Variants in CNTN5 observed in about 807,000 individuals in gnomAD.
The protein encoded by CNTN5 is contactin-5.
Under a neutral mutation model 129.1 loss-of-function variants are expected in CNTN5, and 77 were observed. That is an observed-to-expected ratio of 0.60 (90% confidence interval 0.50 to 0.72). CNTN5 has a LOEUF of 0.72. Among genes scored for constraint, CNTN5 ranks in the 30% least tolerant of loss-of-function variants. The probability of loss-of-function intolerance (pLI) is 0.00; values close to 1 mark genes in which losing one functional copy is unlikely to be tolerated. For synonymous variants in CNTN5, 509 were observed against 465.6 expected, an observed-to-expected ratio of 1.09 and a Z score of -1.20; for missense variants, 1,478 against 1,328.8, an observed-to-expected ratio of 1.11 and a Z score of -1.75.
chr11:99,939,974 G>A (rs1950398677), intron 7 of CNTN5, among the ~76,000 whole-genome samples: 1 of 152,104 alleles, frequency 6.6e-6, no homozygotes, highest in African/African-American at 2.4e-5. Context: ...CAAATGGTTG[G>A]CAACCAGAAT....
At chr11:99,695,414 G>A (rs980784125) in intron 3 of CNTN5, among the ~76,000 whole-genome samples, 6 of 152,100 alleles carry the variant, frequency 3.9e-5, no homozygotes, top group African/African-American at 1.4e-4. Flanking sequence ...CCAGGGTGTT[G>A]CCTGCAAAAG....
At chr11:99,654,570 T>C (rs1201479879) in intron 3 of CNTN5, among the ~76,000 whole-genome samples, 1 of 152,124 alleles carries the variant, frequency 6.6e-6, no homozygotes, top group East Asian at 1.9e-4. Context: ...TTTTCTGATC[T>C]ACATCTACTG....
intron 6 of CNTN5, among the ~76,000 whole-genome samples, chr11:99,912,243 CA>C (rs1565669693): frequency 6.6e-6 from 1 of 151,828 alleles, no homozygotes; most frequent in Non-Finnish European, 1.5e-5. Context: ...TATGTGTGTT[CA>C]TGTATTAATA....
intron 2 of CNTN5, among the ~76,000 whole-genome samples, chr11:99,328,502 A>T (rs1421936560): frequency 6.6e-6 from 1 of 152,144 alleles, no homozygotes; most frequent in Non-Finnish European, 1.5e-5. Flanking sequence ...TTTTAACTAC[A>T]CATATAGTTT....
intron 2 of CNTN5, among the ~76,000 whole-genome samples, chr11:99,397,512 TCTATCTATCTAC>T (rs201108730): frequency 0.012 from 1,863 of 151,840 alleles, 20 homozygotes; most frequent in Non-Finnish European, 0.017. Context: ...CCATTTATTA[TCTATCTATCTAC>T]CTATCTATCT....
At position 99,361,499 on chromosome 11, in the gene CNTN5, C is replaced by A. The variant is rs182111041; in HGVS notation, c.-71+36015C>A. Among the ~76,000 whole-genome samples the A allele has an allele frequency of 6.6e-5, 10 of 152,212 alleles. 1 individual carries two copies. In the East Asian group the frequency reaches 1.9e-3, roughly 29 times the overall value. The stretch of plus-strand genomic sequence containing the variant: ...TATGTGTGTGGTAAAATATATTTAA[C>A]ATAAAATGTATCATTTTAGCCATTT... On this transcript the variant is annotated intron_variant, in intron 2 of 24. Transcript: ENST00000524871.
chr11:100,097,981 G>T (rs896364066), intron 13 of CNTN5, among the ~76,000 whole-genome samples: 3 of 151,576 alleles, frequency 2.0e-5, no homozygotes, highest in African/African-American at 7.3e-5. Flanking sequence ...TTTTTTTTAA[G>T]AAAAAATCCT....
intron 7 of CNTN5, among the ~76,000 whole-genome samples, chr11:99,927,613 C>G (rs1364154670): frequency 6.6e-6 from 1 of 152,000 alleles, no homozygotes; most frequent in East Asian, 1.9e-4. Flanking sequence ...CCTTACAAAA[C>G]CTTCAGATCT....
intron 9 of CNTN5, among the ~76,000 whole-genome samples, chr11:100,017,314 C>T (rs1202312772): frequency 6.6e-6 from 1 of 152,018 alleles, no homozygotes; most frequent in African/African-American, 2.4e-5. Context: ...CATTTAGCCA[C>T]ATTCTGTTGA....
At chr11:99,630,068 G>GA (rs1422245708) in intron 3 of CNTN5, among the ~76,000 whole-genome samples, 1 of 151,386 alleles carries the variant, frequency 6.6e-6, no homozygotes, top group Non-Finnish European at 1.5e-5. Context: ...ATGCTAGACT[G>GA]AAAAAAATCA....
At position 99,794,811 on chromosome 11, in the gene CNTN5, C is replaced by T. The variant is rs191692621; in HGVS notation, c.56-24733C>T. The stretch of plus-strand genomic sequence containing the variant: ...GGCCCACTGTTAGCCTGGTGGGACT[C>T]CCTTTGTAGATGACCTATCCTTTCT... On this transcript the variant is annotated intron_variant, in intron 3 of 24. Coordinates refer to ENST00000524871, the MANE Select transcript of CNTN5 (RefSeq NM_014361.4). 7.2e-3 allele frequency among the ~76,000 whole-genome samples: 1,097 copies of T among 152,066 alleles called. 5 individuals are homozygous for T. The highest frequency in any genetic ancestry group is 0.017 in the Middle Eastern group (5 of 294).
chr11:100,058,963 G>A (rs1181790632), intron 9 of CNTN5, among the ~76,000 whole-genome samples: 1 of 152,060 alleles, frequency 6.6e-6, no homozygotes, highest in East Asian at 1.9e-4. Context: ...AAACACAGAC[G>A]GATGTGTTTC....
intron 9 of CNTN5, among the ~76,000 whole-genome samples, chr11:100,057,692 C>T (rs1943292617): frequency 3.1e-5 from 1 of 32,698 alleles, no homozygotes; most frequent in African/African-American, 2.1e-4. Context: ...CCGAGGTCAC[C>T]ATAGCATCTT....
chr11:99,041,713 C>T (rs1274425573), intron 1 of CNTN5, among the ~76,000 whole-genome samples: 1 of 152,138 alleles, frequency 6.6e-6, no homozygotes, highest in African/African-American at 2.4e-5. Flanking sequence ...TAGTTCAACA[C>T]AGAAAGGTGT....
At chr11:99,533,786 T>C (rs1368043781) in intron 2 of CNTN5, among the ~76,000 whole-genome samples, 1 of 152,226 alleles carries the variant, frequency 6.6e-6, no homozygotes, top group East Asian at 1.9e-4. Flanking sequence ...GGAGGGAAAC[T>C]ATGGCCTCCT....
At chr11:99,274,513 T>C (rs1315028883) in intron 1 of CNTN5, among the ~76,000 whole-genome samples, 3 of 151,656 alleles carry the variant, frequency 2.0e-5, no homozygotes, top group Non-Finnish European at 4.4e-5. Context: ...TAGTGTTTGA[T>C]ATATAATTAG....
Position 99,125,362 on chromosome 11 carries a change from AT to A in CNTN5, c.-210+104095del, listed in dbSNP as rs1858574260. Among the ~76,000 whole-genome samples the A allele has an allele frequency of 1.2e-4, 19 of 152,104 alleles. 1 individual carries two copies. In the South Asian group the frequency reaches 3.7e-3, roughly 30 times the overall value. ...ACAGAACTAAAAAAAAAACCAGATT[AT>A]TTCAGTAGGTGCAAGAATGGCTTTT... On this transcript the variant is annotated intron_variant, in intron 1 of 24. Coordinates refer to ENST00000524871, the MANE Select transcript of CNTN5 (RefSeq NM_014361.4).
intron 1 of CNTN5, among the ~76,000 whole-genome samples, chr11:99,145,772 C>T (rs1053761999): frequency 3.9e-5 from 6 of 152,092 alleles, no homozygotes; most frequent in Admixed American, 3.9e-4. Context: ...ATAGTTCTTC[C>T]TCCTCAACTG....
At chr11:99,561,249 T>C (rs1948831945) in intron 3 of CNTN5, among the ~76,000 whole-genome samples, 1 of 152,094 alleles carries the variant, frequency 6.6e-6, no homozygotes, top group Non-Finnish European at 1.5e-5. Context: ...AGGAGCCAAC[T>C]GGGATAGTTC....
Sources: gnomAD v4.1 joint callset for allele counts (sites outside exome capture counted in the v4.1 genomes callset) on GRCh38, gnomAD v4.1.1 for gene constraint, MANE v1.5 for transcripts, NCBI Gene and HGNC (gene_info 2026-07-23, HGNC 2026-07-21) for gene names.